The following TMC7 variants were observed in gnomAD, a reference collection of about 807,000 sequenced individuals.
The protein encoded by TMC7 is transmembrane channel-like protein 7.
TMC7 carries 54 observed loss-of-function variants against 82.9 expected under a neutral mutation model. The ratio of observed to expected loss-of-function variants is 0.65; its 90% CI spans 0.52 to 0.82. The LOEUF is 0.82. Ranked by LOEUF, TMC7 falls within the 40% of genes least tolerant of loss-of-function variation. TMC7 has a pLI of 0.00. For missense variants in TMC7, 820 were observed against 901.2 expected (o/e 0.91, Z 1.15); for synonymous variants, 350 against 337.9 (o/e 1.04, Z -0.39).
Position 18,997,682 on chromosome 16 carries a change from C to T in TMC7, c.68-11490C>T, listed in dbSNP as rs557253849. Among the ~76,000 whole-genome samples, 9 of 151,448 alleles carry T rather than the reference C, an allele frequency of 5.9e-5. No homozygotes were observed. In the South Asian group the frequency reaches 1.9e-3, roughly 32 times the overall value. On this transcript the variant is annotated intron_variant, in intron 1 of 15. Coordinates refer to ENST00000304381, the MANE Select transcript of TMC7 (RefSeq NM_024847.4). ...CAGCCACCGCACCCGGCCTCAGGCA[C>T]TGTTTTGAGCCAAGGATCTGCAAAC...
At position 19,023,877 on chromosome 16, in the gene TMC7, A is replaced by C. The variant is rs148721044; in HGVS notation, c.711+682A>C. Among the ~76,000 whole-genome samples the C allele has an allele frequency of 1.0e-3, 159 of 152,354 alleles. 1 individual carries two copies. Among genetic ancestry groups the C allele is most frequent in the African/African-American group, 3.8e-3 (157 of 41,578 alleles). The stretch of plus-strand genomic sequence containing the variant: ...ACACCGATAAACCCCAACATTTTGG[A>C]GTCCCAGACTGGATGGATGAAAGAC... On this transcript the variant is annotated intron_variant, in intron 5 of 15. Transcript: ENST00000304381.
chr16:19,028,060 C>T (rs1459316443), intron 5 of TMC7, among the ~76,000 whole-genome samples: 4 of 152,122 alleles, frequency 2.6e-5, no homozygotes, highest in African/African-American at 4.8e-5. Flanking sequence ...GTGTTCTAGC[C>T]CAATCCCTGT....
intron 1 of TMC7, among the ~76,000 whole-genome samples, chr16:19,000,328 G>A (rs569826622): frequency 7.9e-5 from 12 of 151,934 alleles, no homozygotes; most frequent in South Asian, 4.2e-4. Flanking sequence ...TTAGCCGGGC[G>A]TGGTGGTACA....
chr16:18,991,504 ATGAGTAAAT>A (rs571963344), intron 1 of TMC7, among the ~76,000 whole-genome samples: 202 of 152,296 alleles, frequency 1.3e-3, no homozygotes, highest in Admixed American at 3.0e-3. Flanking sequence ...TTTTTCAGCA[ATGAGTAAAT>A]TGAGGCCTCG....
At chr16:18,999,168 G>A (rs1237870241) in intron 1 of TMC7, among the ~76,000 whole-genome samples, 1 of 152,122 alleles carries the variant, frequency 6.6e-6, no homozygotes, top group Non-Finnish European at 1.5e-5. Context: ...CCAAAAAAAT[G>A]TTTTATTTTT....
At position 19,062,879 on chromosome 16, in the gene TMC7, G is replaced by A. The variant is rs762030653; in HGVS notation, c.*1036G>A. 1 of 152,362 alleles carries A rather than the reference G, an allele frequency of 6.6e-6. No individual in the cohort carries two copies. The highest frequency in any genetic ancestry group is 2.4e-5 in the African/African-American group (1 of 41,420). 9.4% of individuals were successfully genotyped at this position (152,362 alleles called of 1,614,324 possible). ...TTTCTTCCGTTCACTGGCTCCACACGTTTCCTGGGGAGTAGCCTGGAATTT... is the reference window on the plus strand; with the variant it reads ...TTTCTTCCGTTCACTGGCTCCACACATTTCCTGGGGAGTAGCCTGGAATTT... On this transcript the variant is annotated 3_prime_UTR_variant, in exon 16 of 16. Transcript: ENST00000304381.
intron 2 of TMC7, among the ~76,000 whole-genome samples, chr16:19,011,625 G>A (rs11859089): frequency 0.018 from 2,723 of 152,228 alleles, 87 homozygotes; most frequent in African/African-American, 0.061. Flanking sequence ...GCTGAGGTAG[G>A]TGTATCACTC....
intron 9 of TMC7, among the ~76,000 whole-genome samples, chr16:19,044,597 C>T (rs529373159): frequency 3.3e-5 from 5 of 151,710 alleles, no homozygotes; most frequent in Admixed American, 3.3e-4. Context: ...GCCAGGAGTT[C>T]GAGACCACCT....
chr16:18,986,149 A>G (rs1361805751), intron 1 of TMC7, among the ~76,000 whole-genome samples: 1 of 152,050 alleles, frequency 6.6e-6, no homozygotes, highest in Non-Finnish European at 1.5e-5. Context: ...TAATCCCAGC[A>G]CTTTGGGAGG....
intron 3 of TMC7, among the ~76,000 whole-genome samples, chr16:19,021,027 AAT>A (rs759178921): frequency 1.3e-5 from 2 of 152,174 alleles, no homozygotes; most frequent in South Asian, 4.1e-4. Context: ...TAATATTATA[AAT>A]ATGTCACTTC....
At chr16:19,028,913 C>T (rs1960360622) in intron 5 of TMC7, among the ~76,000 whole-genome samples, 1 of 151,784 alleles carries the variant, frequency 6.6e-6, no homozygotes, top group South Asian at 2.1e-4. Context: ...CTCGGCCTCC[C>T]AAGGTTCTGG....
chr16:19,044,080 C>CCAGTCTTGAA (rs1460944093), intron 9 of TMC7, among the ~76,000 whole-genome samples: 23 of 151,914 alleles, frequency 1.5e-4, no homozygotes, highest in Middle Eastern at 3.2e-3. Context: ...GTTGACTAGG[C>CCAGTCTTGAA]CAGTCTTGAA....
At chr16:19,046,272 C>G (rs1359034952) in intron 11 of TMC7, among the ~76,000 whole-genome samples, 1 of 152,194 alleles carries the variant, frequency 6.6e-6, no homozygotes, top group African/African-American at 2.4e-5. Context: ...GTTATTTAAG[C>G]TCTGTGCCTA....
intron 1 of TMC7, among the ~76,000 whole-genome samples, chr16:18,997,118 G>A (rs1460822372): frequency 6.6e-6 from 1 of 152,244 alleles, no homozygotes; most frequent in African/African-American, 2.4e-5. Context: ...GGTCATAGGT[G>A]GATCTCCTCA....
chr16:19,059,602 C>G, intron 15 of TMC7, 108 bp downstream of exon 15: 1 of 1,601,198 alleles, frequency 6.2e-7, no homozygotes, highest in Non-Finnish European at 8.5e-7. Flanking sequence ...AGCCTTCTCT[C>G]ACCACCACCT....
At chr16:19,052,675 A>T (rs371795065) in intron 13 of TMC7, among the ~76,000 whole-genome samples, 1 of 152,164 alleles carries the variant, frequency 6.6e-6, no homozygotes. Flanking sequence ...AAACAAAAAA[A>T]TAGGAAAAGC....
intron 1 of TMC7, among the ~76,000 whole-genome samples, chr16:18,988,367 C>T (rs1482013757): frequency 6.6e-6 from 1 of 151,390 alleles, no homozygotes; most frequent in Non-Finnish European, 1.5e-5. Flanking sequence ...GTTGGCCAGG[C>T]TGGTCTCGAA....
chr16:19,032,959 T>C (rs1245167060), intron 6 of TMC7, among the ~76,000 whole-genome samples: 1 of 152,150 alleles, frequency 6.6e-6, no homozygotes, highest in African/African-American at 2.4e-5. Flanking sequence ...GCACAGCGAA[T>C]CTACCTGTGA....
chr16:19,045,101 T>G (rs1177888978), intron 10 of TMC7, 100 bp downstream of exon 10: 1 of 1,002,044 alleles, frequency 1.0e-6, no homozygotes, highest in East Asian at 2.4e-5. Flanking sequence ...TGAACTGCAT[T>G]TGCTTCGCTT....
Sources: gnomAD v4.1 joint callset for allele counts (sites outside exome capture counted in the v4.1 genomes callset) on GRCh38, gnomAD v4.1.1 for gene constraint, MANE v1.5 for transcripts, NCBI Gene and HGNC (gene_info 2026-07-23, HGNC 2026-07-21) for gene names.